The following CNTN5 variants were observed in gnomAD, a reference collection of about 807,000 sequenced individuals.
CNTN5 encodes contactin 5, also known as contactin-5.
In CNTN5, 77 loss-of-function variants were observed where a neutral mutation model predicts 129.1. That is an observed-to-expected ratio of 0.60 (90% CI 0.50 to 0.72). The LOEUF (loss-of-function observed/expected upper bound fraction) is 0.72, where lower values mean the gene tolerates loss of function less well. CNTN5 is among the 30% of genes least tolerant of loss of function. The pLI, the probability that CNTN5 is intolerant of heterozygous loss-of-function variation, is 0.00. For synonymous variants in CNTN5, 509 were observed against 465.6 expected (o/e 1.09, Z -1.20); for missense variants, 1,478 against 1,328.8 (o/e 1.11, Z -1.75).
chr11:99,917,126 A>C (rs1377123278), intron 7 of CNTN5, among the ~76,000 whole-genome samples: 3 of 152,044 alleles, frequency 2.0e-5, no homozygotes, highest in Non-Finnish European at 4.4e-5. Context: ...TTTTTAATCG[A>C]AAGTATGCTG....
intron 1 of CNTN5, among the ~76,000 whole-genome samples, chr11:99,295,376 A>T (rs578197483): frequency 2.6e-5 from 4 of 152,252 alleles, no homozygotes; most frequent in Non-Finnish European, 5.9e-5. Context: ...ATTATTTAGC[A>T]TAACTTTTAC....
chr11:99,570,115 G>A (rs1390524820), intron 3 of CNTN5, among the ~76,000 whole-genome samples: 8 of 150,150 alleles, frequency 5.3e-5, no homozygotes, highest in African/African-American at 2.0e-4. Flanking sequence ...TGCTTCAAGA[G>A]GTTCTAAAGG....
At chr11:99,924,352 C>A (rs1436278987) in intron 7 of CNTN5, among the ~76,000 whole-genome samples, 1 of 151,964 alleles carries the variant, frequency 6.6e-6, no homozygotes, top group Non-Finnish European at 1.5e-5. Context: ...CTTAGGTTTT[C>A]TTCTAGGATT....
At chr11:99,577,545 C>G (rs1949396587) in intron 3 of CNTN5, among the ~76,000 whole-genome samples, 3 of 152,076 alleles carry the variant, frequency 2.0e-5, no homozygotes, top group African/African-American at 7.2e-5. Flanking sequence ...TTGTAGTTTG[C>G]TGTAGGATGT....
intron 8 of CNTN5, among the ~76,000 whole-genome samples, chr11:99,999,159 A>G (rs1318246384): frequency 6.6e-6 from 1 of 152,102 alleles, no homozygotes; most frequent in Non-Finnish European, 1.5e-5. Flanking sequence ...GACAAATGGG[A>G]TCTAATTAAA....
At chr11:100,322,245 C>T (rs1199502117) in intron 21 of CNTN5, among the ~76,000 whole-genome samples, 3 of 149,912 alleles carry the variant, frequency 2.0e-5, no homozygotes, top group Admixed American at 6.6e-5. Context: ...TTTTTTTAGA[C>T]GGAGTCTCGC....
chr11:99,936,849 A>T (rs989621418), intron 7 of CNTN5, among the ~76,000 whole-genome samples: 12 of 152,184 alleles, frequency 7.9e-5, no homozygotes, highest in African/African-American at 4.8e-5. Flanking sequence ...GGGATATGTT[A>T]TAAGAGTTAA....
intron 2 of CNTN5, among the ~76,000 whole-genome samples, chr11:99,512,180 C>G (rs893918990): frequency 1.3e-5 from 2 of 152,248 alleles, no homozygotes; most frequent in East Asian, 3.9e-4. Context: ...GAGCCCTAGA[C>G]AGGTATAGCA....
intron 13 of CNTN5, among the ~76,000 whole-genome samples, chr11:100,099,010 G>A (rs1945119346): frequency 1.3e-5 from 2 of 151,992 alleles, no homozygotes. Flanking sequence ...CAGATTAAAG[G>A]GCGGGAAAGA....
At chr11:99,732,321 G>A (rs1225648942) in intron 3 of CNTN5, among the ~76,000 whole-genome samples, 1 of 152,146 alleles carries the variant, frequency 6.6e-6, no homozygotes, top group Non-Finnish European at 1.5e-5. Context: ...ATAGAACTGT[G>A]TAGTTATTAC....
At chr11:99,300,435 G>T (rs1191630450) in intron 1 of CNTN5, among the ~76,000 whole-genome samples, 2 of 151,814 alleles carry the variant, frequency 1.3e-5, no homozygotes, top group African/African-American at 2.4e-5. Context: ...TTTTGTATAT[G>T]TTGAACCATC....
At chr11:100,001,183 C>T (rs1352433358) in intron 8 of CNTN5, among the ~76,000 whole-genome samples, 3 of 152,100 alleles carry the variant, frequency 2.0e-5, no homozygotes, top group African/African-American at 4.8e-5. Flanking sequence ...ATGAAAAGGA[C>T]TCAGAAAACT....
Position 100,271,241 on chromosome 11 carries a change from G to A in CNTN5, c.2314G>A (p.Val772Ile). The change falls in exon 18 of 25, where the codon GTT becomes ATT. Residue 772 changes from valine to isoleucine, a missense_variant and splice_region_variant. Val to Ile is a conservative substitution (Grantham distance 29). Transcript: ENST00000524871. ...TCGAATGATCCGCACAAATGAAGCA[G>A]GTAAAAATTTGGAAGAGTCAGATTG... Reference protein sequence around the residue: ...PSRMIRTNEAVPKTAPTNVSG... With the variant: ...PSRMIRTNEAIPKTAPTNVSG... 6.3e-7 allele frequency: 1 copy of A among 1,591,802 alleles called. No individual in the cohort carries two copies. The highest frequency in any genetic ancestry group is 2.2e-5 in the East Asian group (1 of 44,472).
chr11:100,136,373 G>A (rs1946524846), intron 13 of CNTN5, among the ~76,000 whole-genome samples: 1 of 152,048 alleles, frequency 6.6e-6, no homozygotes, highest in South Asian at 2.1e-4. Context: ...TGGACTTAGA[G>A]CCTGCCAGAA....
chr11:100,332,601 A>C (rs1235538), intron 21 of CNTN5, among the ~76,000 whole-genome samples: 107,363 of 151,950 alleles, frequency 0.71, 38,955 homozygotes, highest in East Asian at 0.97. Flanking sequence ...AAAAGATAAT[A>C]CACCATGATC....
At chr11:99,528,236 A>G (rs1268144943) in intron 2 of CNTN5, among the ~76,000 whole-genome samples, 2 of 152,232 alleles carry the variant, frequency 1.3e-5, no homozygotes, top group African/African-American at 4.8e-5. Flanking sequence ...AGAAACATAC[A>G]AAAGCACAAC....
intron 3 of CNTN5, among the ~76,000 whole-genome samples, chr11:99,702,119 C>T (rs1241906915): frequency 6.6e-6 from 1 of 150,980 alleles, no homozygotes; most frequent in African/African-American, 2.4e-5. Context: ...CTCACAAAAA[C>T]TACCTTATCA....
intron 2 of CNTN5, among the ~76,000 whole-genome samples, chr11:99,442,222 G>T (rs181646583): frequency 6.6e-6 from 1 of 152,048 alleles, no homozygotes; most frequent in Non-Finnish European, 1.5e-5. Context: ...GCCCAGGCTG[G>T]AGTGCTGCGT....
intron 2 of CNTN5, among the ~76,000 whole-genome samples, chr11:99,345,513 A>C (rs1278444456): frequency 6.6e-6 from 1 of 152,142 alleles, no homozygotes; most frequent in African/African-American, 2.4e-5. Flanking sequence ...ACCTTGAAGC[A>C]CCCAATGAGG....
Sources: allele counts gnomAD v4.1 joint callset (sites outside exome capture counted in the v4.1 genomes callset), GRCh38; gene constraint gnomAD v4.1.1; transcripts MANE v1.5; gene names NCBI Gene and HGNC (gene_info 2026-07-23, HGNC 2026-07-21).